The following ARHGAP39 variants were observed in gnomAD, a reference collection of about 807,000 sequenced individuals.
ARHGAP39 encodes rho GTPase-activating protein 39.
Under a neutral mutation model 106.9 loss-of-function variants are expected in ARHGAP39, and 44 were observed. The observed-to-expected ratio is 0.41, with a 90% CI of 0.32 to 0.53. The LOEUF is 0.53. Among genes scored for constraint, ARHGAP39 ranks in the 20% least tolerant of loss-of-function variants. The probability of loss-of-function intolerance (pLI) is 0.21; values close to 1 mark genes in which losing one functional copy is unlikely to be tolerated. For synonymous variants in ARHGAP39, 768 were observed against 693.2 expected, an observed-to-expected ratio of 1.11 and a Z score of -1.69; for missense variants, 1,496 against 1,577.3, an observed-to-expected ratio of 0.95 and a Z score of 0.87.
intron 6 of ARHGAP39, among the ~76,000 whole-genome samples, chr8:144,538,862 C>T (rs887543226): frequency 7.9e-5 from 12 of 151,908 alleles, no homozygotes; most frequent in East Asian, 1.9e-4. Flanking sequence ...TGAGCCACTG[C>T]GCCCGGCCTA....
chr8:144,675,050 A>C (rs893695025), intron 1 of ARHGAP39, among the ~76,000 whole-genome samples: 2 of 151,866 alleles, frequency 1.3e-5, no homozygotes, highest in South Asian at 2.1e-4. Context: ...TGTGCCCAGG[A>C]GGGCCAGGCT....
chr8:144,576,674 C>G (rs113346823), intron 3 of ARHGAP39, among the ~76,000 whole-genome samples: 1 of 152,234 alleles, frequency 6.6e-6, no homozygotes, highest in African/African-American at 2.4e-5. Flanking sequence ...AATACCAATT[C>G]TCTGAGAAGT....
At chr8:144,532,422 G>A in intron 9 of ARHGAP39, 26 bp from the exon 10 acceptor site, 1 of 1,593,224 alleles carries the variant, frequency 6.3e-7, no homozygotes, top group East Asian at 2.2e-5. Flanking sequence ...CAGGTCTCAG[G>A]CAACAGGAGC....
intron 1 of ARHGAP39, among the ~76,000 whole-genome samples, chr8:144,680,442 G>A (rs7840641): frequency 6.6e-6 from 1 of 152,172 alleles, no homozygotes; most frequent in East Asian, 1.9e-4. Context: ...AAAACACGCA[G>A]AGGAGTCTGC....
intron 1 of ARHGAP39, among the ~76,000 whole-genome samples, chr8:144,613,955 C>T (rs368287285): frequency 6.6e-6 from 1 of 152,138 alleles, no homozygotes. Context: ...TAAAGTATTT[C>T]TTTTCCTTGT....
intron 1 of ARHGAP39, among the ~76,000 whole-genome samples, chr8:144,615,059 G>A (rs1457022784): frequency 1.3e-5 from 2 of 152,228 alleles, no homozygotes; most frequent in East Asian, 1.9e-4. Flanking sequence ...AGAGGCTCAC[G>A]CCTATAATCC....
rs926840237 is a variant in ARHGAP39, at chr8:144,670,380, C to A, written c.-82+15306G>T. Among the ~76,000 whole-genome samples the A allele has an allele frequency of 6.6e-6, 1 of 152,208 alleles. No homozygotes were observed. The highest frequency in any genetic ancestry group is 2.4e-5 in the African/African-American group (1 of 41,446). On this transcript the variant is annotated intron_variant, in intron 1 of 11. Transcript: ENST00000377307. The surrounding 1 kb of genome is among the most constrained non-coding windows in gnomAD (Gnocchi z 4.4). ...TCCATCACCCTCCTCACCGGGCCAT[C>A]GAGCCTCTGAATCCCACACCTCTGC...
intron 2 of ARHGAP39, among the ~76,000 whole-genome samples, chr8:144,583,661 AATTCT>A (rs1645500212): frequency 6.6e-6 from 1 of 152,144 alleles, no homozygotes; most frequent in Admixed American, 6.5e-5. Flanking sequence ...TGCTGGCTGG[AATTCT>A]ATTCTGAGAG....
At position 144,547,650 on chromosome 8, in the gene ARHGAP39, T is replaced by A. The variant is rs754308674; in HGVS notation, c.1436A>T (p.Gln479Leu). 1.1e-5 allele frequency: 17 copies of A among 1,543,436 alleles called. No individual in the cohort carries two copies. Among genetic ancestry groups the A allele is most frequent in the Non-Finnish European group, 1.5e-5 (17 of 1,147,102 alleles). ...GTAGCCTGTGGAGGACAGGGTGTCC[T>A]GCTGGCTGGACCAGGACATGGCATC... ...QEDAMSWSSQ[Q>L]DTLSSTGYSP... is the part of the protein sequence containing the mutation. Residue 479 changes from glutamine (Q) to leucine (L), a missense_variant, in exon 5 of 12, where the codon CAG becomes CTG. This residue lies in a region of ARHGAP39 where 905 missense variants were observed against 816.4 expected (regional missense o/e 1.11). Coordinates refer to ENST00000377307, the MANE Select transcript of ARHGAP39 (RefSeq NM_025251.3). This position sits in a 1 kb window ranked among gnomAD's most constrained non-coding sequence, Gnocchi z 5.2.
In ARHGAP39 at chr8:144,586,660, C is replaced by T. The variant is rs1330190711; in HGVS notation, c.81-5383G>A. Among the ~76,000 whole-genome samples, 1 of 152,228 alleles carries T rather than the reference C, an allele frequency of 6.6e-6. No homozygotes were observed. The highest frequency in any genetic ancestry group is 1.9e-4 in the East Asian group (1 of 5,204). ...AGAAAACTGGCTGATGCAGGTACCA[C>T]ACCCACTTCCAGGCACCGGGTCCCA... On this transcript the variant is annotated intron_variant, in intron 2 of 11. Coordinates refer to ENST00000377307, the MANE Select transcript of ARHGAP39 (RefSeq NM_025251.3). This position sits in a 1 kb window ranked among gnomAD's most constrained non-coding sequence, Gnocchi z 4.2.
intron 3 of ARHGAP39, among the ~76,000 whole-genome samples, chr8:144,561,303 T>TTCCAGTGGTTTCCATCAGAC (rs1297343267): frequency 4.3e-4 from 52 of 120,172 alleles, no homozygotes; most frequent in Non-Finnish European, 8.4e-4. Flanking sequence ...TTCCATCACA[T>TTCCAGTGGTTTCCATCAGAC]TCCAGTGGTT....
Position 144,647,645 on chromosome 8 carries a change from T to C in ARHGAP39, c.-82+38041A>G, listed in dbSNP as rs924747656. Among the ~76,000 whole-genome samples, 2 of 151,974 alleles carry C rather than the reference T, an allele frequency of 1.3e-5. No homozygotes were observed. The highest frequency in any genetic ancestry group is 1.5e-5 in the Non-Finnish European group (1 of 67,982). On this transcript the variant is annotated intron_variant, in intron 1 of 11. Coordinates refer to ENST00000377307, the MANE Select transcript of ARHGAP39 (RefSeq NM_025251.3). This position sits in a 1 kb window ranked among gnomAD's most constrained non-coding sequence, Gnocchi z 4.8. ...AGATCAGGTCAGGACCTTTGGTGGG[T>C]GAGGGAAGGAATGACCAATCCAAGA...
chr8:144,643,898 A>G (rs1465102324), intron 1 of ARHGAP39, among the ~76,000 whole-genome samples: 2 of 152,208 alleles, frequency 1.3e-5, no homozygotes, highest in Non-Finnish European at 2.9e-5. Flanking sequence ...ATGGCTAGGG[A>G]AAAAAAGAAA....
chr8:144,610,548 A>G (rs762530639), intron 1 of ARHGAP39, among the ~76,000 whole-genome samples: 37 of 151,560 alleles, frequency 2.4e-4, no homozygotes, highest in Non-Finnish European at 4.4e-4. Flanking sequence ...CATCTCTACT[A>G]AAAATACAAA....
Position 144,641,034 on chromosome 8 carries a change from T to C in ARHGAP39, c.-81-35339A>G, listed in dbSNP as rs1443180058. 6.6e-6 allele frequency among the ~76,000 whole-genome samples: 1 copy of C among 152,152 alleles called. No homozygotes were observed. Among genetic ancestry groups the C allele is most frequent in the Non-Finnish European group, 1.5e-5 (1 of 68,030 alleles). ...CTCTATTTCTTATTTCCTACAATAA[T>C]AAAATGTACACTCAACTAGATATTT... On this transcript the variant is annotated intron_variant, in intron 1 of 11. Coordinates refer to ENST00000377307, the MANE Select transcript of ARHGAP39 (RefSeq NM_025251.3). The surrounding 1 kb of genome is among the most constrained non-coding windows in gnomAD (Gnocchi z 5.2).
At chr8:144,609,814 G>A (rs1479752051) in intron 1 of ARHGAP39, among the ~76,000 whole-genome samples, 3 of 152,076 alleles carry the variant, frequency 2.0e-5, no homozygotes, top group African/African-American at 7.2e-5. Context: ...AACATCTTTG[G>A]TTTTGCTATC....
chr8:144,600,512 G>A (rs1205325181), intron 2 of ARHGAP39, among the ~76,000 whole-genome samples: 2 of 150,824 alleles, frequency 1.3e-5, no homozygotes, highest in South Asian at 2.1e-4. Context: ...ACCTACCTGC[G>A]TGTGCGTGGA....
chr8:144,635,353 C>T (rs905134947), intron 1 of ARHGAP39, among the ~76,000 whole-genome samples: 6 of 152,152 alleles, frequency 3.9e-5, no homozygotes, highest in African/African-American at 1.4e-4. Context: ...AAAAGGACAG[C>T]GTTCAAGAAG....
chr8:144,550,335 C>T (rs1490755476), intron 4 of ARHGAP39, among the ~76,000 whole-genome samples: 1 of 152,032 alleles, frequency 6.6e-6, no homozygotes, highest in African/African-American at 2.4e-5. Flanking sequence ...TGTGGTGGCT[C>T]ACATCTGTAA....
Sources: allele counts gnomAD v4.1 joint callset (sites outside exome capture counted in the v4.1 genomes callset), GRCh38; gene constraint gnomAD v4.1.1; regional missense constraint gnomAD v4.1.1; non-coding constraint Gnocchi (gnomAD v3.1); transcripts MANE v1.5; gene names NCBI Gene and HGNC (gene_info 2026-07-23, HGNC 2026-07-21).